The following ZNF347 variants were observed in gnomAD, a reference collection of about 807,000 sequenced individuals.
The protein encoded by ZNF347 is CTD-2620I22.7.
Under a neutral mutation model 12.9 loss-of-function variants are expected in ZNF347, and 19 were observed. The ratio of observed to expected loss-of-function variants is 1.47; its 90% CI spans 1.03 to 2.16. The LOEUF (loss-of-function observed/expected upper bound fraction) is 2.16, where lower values mean the gene tolerates loss of function less well. ZNF347 is among the 30% of genes most tolerant of loss of function. ZNF347 has a pLI of 0.00. For missense variants in ZNF347, 1,005 were observed against 990.6 expected, an observed-to-expected ratio of 1.01 and a Z score of -0.19; for synonymous variants, 328 against 340.6, an observed-to-expected ratio of 0.96 and a Z score of 0.41.
chr19:53,145,721 A>G (rs2090458585), intron 4 of ZNF347, among the ~76,000 whole-genome samples: 1 of 151,956 alleles, frequency 6.6e-6, no homozygotes, highest in Non-Finnish European at 1.5e-5. Context: ...ATTAAAATGC[A>G]AAACAGCACA....
At position 53,142,506 on chromosome 19, in the gene ZNF347, T is replaced by G; in HGVS notation, c.322A>C (p.Asn108His). The G allele has an allele frequency of 6.2e-7, 1 of 1,611,700 alleles. No homozygotes were observed. Among genetic ancestry groups the G allele is most frequent in the Non-Finnish European group, 8.5e-7 (1 of 1,179,186 alleles). ...ACTGTTTGGAATACTTCTCCTGTAT[T>G]ACTCTTCCCTTTGTGTAGTAAATCT... Reference protein sequence around the residue: ...MKDLLHKGKSNTGEVFQTVML... With the variant: ...MKDLLHKGKSHTGEVFQTVML... The change falls in exon 5 of 5, where the codon AAT becomes CAT. Residue 108 changes from asparagine to histidine, a missense_variant. Asn to His is a moderately conservative substitution (Grantham distance 68). Transcript: ENST00000334197.
rs1225671045 is a variant in ZNF347 at position 53,139,606 on chromosome 19, G to A, written c.*702C>T. On this transcript the variant is annotated 3_prime_UTR_variant, in exon 5 of 5. Transcript: ENST00000334197. ...GTCTTAAGTTTTACCATATTGGAAC[G>A]TGTAATTATTGTGCAGTTTATCATT... 6 of 152,156 alleles carry A rather than the reference G, an allele frequency of 3.9e-5. No individual in the cohort carries two copies. Among genetic ancestry groups the A allele is most frequent in the African/African-American group, 7.2e-5 (3 of 41,426 alleles). The allele number at this position is 152,156 out of a possible 1,614,324, so 9.4% of individuals were successfully genotyped here.
chr19:53,152,140 G>A (rs998269087), intron 2 of ZNF347, among the ~76,000 whole-genome samples: 2 of 148,944 alleles, frequency 1.3e-5, no homozygotes, highest in Non-Finnish European at 3.0e-5. Flanking sequence ...AAAAAAACAC[G>A]CACTCACGTC....
At position 53,138,458 on chromosome 19, in the gene ZNF347, A is replaced by AG. The variant is rs1373850692; in HGVS notation, c.*1849dup. Reference sequence around the variant, plus strand: ...TTGTATTTTCACTTCATGTAAATAAAGATGCATGCCATAGTTATTTAGCAC... The same window carrying AG: ...TTGTATTTTCACTTCATGTAAATAAAGGATGCATGCCATAGTTATTTAGCAC... On this transcript the variant is annotated 3_prime_UTR_variant, in exon 5 of 5. Transcript: ENST00000334197. 1 of 152,190 alleles carries AG rather than the reference A, an allele frequency of 6.6e-6. No individual in the cohort carries two copies. The highest frequency in any genetic ancestry group is 1.5e-5 in the Non-Finnish European group (1 of 68,046). 9.4% of individuals were successfully genotyped at this position (152,190 alleles called of 1,614,324 possible).
At chr19:53,153,067 G>A (rs182146653) in intron 2 of ZNF347, among the ~76,000 whole-genome samples, 157 of 152,304 alleles carry the variant, frequency 1.0e-3, no homozygotes, top group African/African-American at 3.5e-3. Context: ...AAGGGTCCCT[G>A]CAGAAACACC....
chr19:53,142,859 G>A (rs936726477), intron 4 of ZNF347, among the ~76,000 whole-genome samples: 1 of 152,084 alleles, frequency 6.6e-6, no homozygotes, highest in Non-Finnish European at 1.5e-5. Flanking sequence ...GTCTTCCCCA[G>A]ACAAACAAAG....
chr19:53,157,112 G>C lies in ZNF347; in HGVS notation c.-47+1897C>G, dbSNP rs138226594. On this transcript the variant is annotated intron_variant, in intron 1 of 4. Coordinates refer to ENST00000334197, the MANE Select transcript of ZNF347 (RefSeq NM_032584.3). ...GTGGACTCAAAACTAAATGAGCGAA[G>C]TCACTGCCCTCTGGTTTGAATAGTG... 2.5e-3 allele frequency among the ~76,000 whole-genome samples: 380 copies of C among 152,270 alleles called. 1 individual carries two copies. The highest frequency in any genetic ancestry group is 8.7e-3 in the African/African-American group (360 of 41,562).
intron 4 of ZNF347, among the ~76,000 whole-genome samples, chr19:53,147,396 C>CA (rs71335698): frequency 2.6e-5 from 4 of 151,154 alleles, no homozygotes; most frequent in Non-Finnish European, 5.9e-5. Context: ...AACAAACAAA[C>CA]AAAAAAACAC....
chr19:53,158,412 G>A (rs533778622), intron 1 of ZNF347, among the ~76,000 whole-genome samples: 1 of 152,240 alleles, frequency 6.6e-6, no homozygotes, highest in Non-Finnish European at 1.5e-5. Context: ...CCCAGGGCGG[G>A]AATCCACCTC....
chr19:53,156,056 G>A (rs913819640), intron 1 of ZNF347, among the ~76,000 whole-genome samples: 3 of 135,560 alleles, frequency 2.2e-5, no homozygotes, highest in Admixed American at 1.4e-4. Context: ...GGGGGGGGGG[G>A]GGGGTTAGGC....
chr19:53,155,751 G>A (rs1310357281), intron 1 of ZNF347, among the ~76,000 whole-genome samples: 1 of 152,084 alleles, frequency 6.6e-6, no homozygotes, highest in Non-Finnish European at 1.5e-5. Context: ...AAAATTGATG[G>A]CACGCATATT....
intron 1 of ZNF347, among the ~76,000 whole-genome samples, chr19:53,154,437 A>C (rs1056035364): frequency 2.6e-5 from 4 of 152,244 alleles, no homozygotes; most frequent in African/African-American, 9.6e-5. Flanking sequence ...AGGTGACATG[A>C]AGCTGTGCAG....
chr19:53,142,257 G>A lies in ZNF347; in HGVS notation c.571C>T (p.His191Tyr). ...TGAAAAAGCTGCAGTTCAGGCAGAT[G>A]TGACTGAAGGCTTAATCCAAGCTGA... ...KNQLGLSLQS[H>Y]LPELQLFQYE... The change falls in exon 5 of 5, where the codon CAT (histidine) becomes TAT (tyrosine). Residue 191 changes from histidine (H) to tyrosine (Y), a missense_variant. Physicochemically the swap from His to Tyr is moderately conservative, Grantham distance 83. Coordinates refer to ENST00000334197, the MANE Select transcript of ZNF347 (RefSeq NM_032584.3). 1.2e-6 allele frequency: 2 copies of A among 1,613,606 alleles called. No individual in the cohort carries two copies. Among genetic ancestry groups the A allele is most frequent in the Non-Finnish European group, 1.7e-6 (2 of 1,179,818 alleles).
intron 4 of ZNF347, among the ~76,000 whole-genome samples, chr19:53,145,753 CA>C (rs2090458808): frequency 6.6e-6 from 1 of 151,586 alleles, no homozygotes; most frequent in African/African-American, 2.4e-5. Flanking sequence ...ACAGAAAAAG[CA>C]GCAAAAAGAG....
intron 1 of ZNF347, among the ~76,000 whole-genome samples, chr19:53,157,525 A>T (rs2090543624): frequency 6.6e-6 from 1 of 151,826 alleles, no homozygotes. Flanking sequence ...GTTCTGTCCC[A>T]TTCTGGGGCC....
At chr19:53,142,705 T>G (rs192954928) in intron 4 of ZNF347, 149 bp from the exon 5 acceptor site, 1 of 637,284 alleles carries the variant, frequency 1.6e-6, no homozygotes, top group Admixed American at 3.6e-5. Context: ...AGAACAATAA[T>G]ATTCAATTTT....
chr19:53,155,081 G>A (rs1284704886), intron 1 of ZNF347, among the ~76,000 whole-genome samples: 1 of 151,890 alleles, frequency 6.6e-6, no homozygotes, highest in Non-Finnish European at 1.5e-5. Flanking sequence ...GGGATCACAG[G>A]CGCGTGCCAC....
rs2090478050 is a variant in ZNF347, at chr19:53,148,692, G to A, written c.260C>T (p.Ala87Val). Residue 87 changes from alanine to valine, a missense_variant, in exon 4 of 5, where the codon GCT becomes GTT. Coordinates refer to ENST00000334197, the MANE Select transcript of ZNF347 (RefSeq NM_032584.3). Reference sequence around the variant, plus strand: ...ATCTGAACTCTTACCTGTGATCACAGCTTTGATCCATTCCCATCCATCTGG... The same window carrying A: ...ATCTGAACTCTTACCTGTGATCACAACTTTGATCCATTCCCATCCATCTGG... Reference protein sequence around the residue: ...GNPDGWEWIKAVITALSSEFV... With the variant: ...GNPDGWEWIKVVITALSSEFV... 17 of 1,613,398 alleles carry A rather than the reference G, an allele frequency of 1.1e-5. No homozygotes were observed. The highest frequency in any genetic ancestry group is 1.4e-5 in the Non-Finnish European group (16 of 1,179,702).
intron 4 of ZNF347, among the ~76,000 whole-genome samples, chr19:53,145,116 C>T (rs2090454258): frequency 6.6e-6 from 1 of 151,694 alleles, no homozygotes; most frequent in African/African-American, 2.4e-5. Flanking sequence ...CATGGTGAAA[C>T]CCTGTTTCTA....
Sources: gnomAD v4.1 joint callset for allele counts (sites outside exome capture counted in the v4.1 genomes callset) on GRCh38, gnomAD v4.1.1 for gene constraint, MANE v1.5 for transcripts, NCBI Gene and HGNC (gene_info 2026-07-23, HGNC 2026-07-21) for gene names.